The following CLTC variants were observed in gnomAD, a reference collection of about 807,000 sequenced individuals.
The protein encoded by CLTC is clathrin heavy chain 1.
In CLTC, 16 loss-of-function variants were observed where a neutral mutation model predicts 195.8. The ratio of observed to expected loss-of-function variants is 0.08; its 90% CI spans 0.06 to 0.12. The LOEUF (loss-of-function observed/expected upper bound fraction) is 0.12. Among genes scored for constraint, CLTC ranks in the 10% least tolerant of loss-of-function variants. The pLI, the probability that CLTC is intolerant of heterozygous loss-of-function variation, is 1.00. For missense variants in CLTC, 796 were observed against 2,027.0 expected (o/e 0.39, Z 11.66); for synonymous variants, 667 against 689.4 (o/e 0.97, Z 0.51).
At chr17:59,667,879 T>TA (rs1199282659) in intron 13 of CLTC, among the ~76,000 whole-genome samples, 37 of 152,222 alleles carry the variant, frequency 2.4e-4, no homozygotes, top group African/African-American at 8.2e-4. Context: ...CTCTCTGTAC[T>TA]AGTAGTACTC....
chr17:59,693,907 C>T lies in CLTC; in HGVS notation c.*55C>T. The T allele has an allele frequency of 6.6e-7, 1 of 1,511,572 alleles. No individual in the cohort carries two copies. 93.6% of individuals were successfully genotyped at this position (1,511,572 alleles called of 1,614,324 possible). ...TTTCGTACTGAAACATCGTCTTTAC[C>T]CACTTCTCAGTTTATAATGGGGGAA... On this transcript the variant is annotated 3_prime_UTR_variant, in exon 32 of 32. Transcript: ENST00000269122.
In CLTC at chr17:59,685,029, G is replaced by T. The variant is rs755220845; in HGVS notation, c.4435-27G>T. On this transcript the variant is annotated intron_variant, in intron 28 of 31. Transcript: ENST00000269122. The surrounding 1 kb of genome is among the most constrained non-coding windows in gnomAD (Gnocchi z 5.0). The stretch of plus-strand genomic sequence containing the variant: ...TAATGTTAAACAAAATACTGATCTG[G>T]CATTTGGATGGCTTTTTTTTTTTAA... The T allele has an allele frequency of 6.7e-7, 1 of 1,482,708 alleles. No individual in the cohort carries two copies. Among genetic ancestry groups the T allele is most frequent in the Non-Finnish European group, 9.0e-7 (1 of 1,104,992 alleles). 91.8% of individuals were successfully genotyped at this position (1,482,708 alleles called of 1,614,324 possible). A position where few individuals can be genotyped will look rare whatever the true frequency, so the allele number is the denominator to read the frequency against.
intron 14 of CLTC, among the ~76,000 whole-genome samples, chr17:59,669,530 A>G (rs923089043): frequency 2.0e-5 from 3 of 152,220 alleles, no homozygotes; most frequent in Non-Finnish European, 4.4e-5. Context: ...AGAGATTCTG[A>G]ACTCTAGAAC....
chr17:59,668,184 A>G (rs2032772601), intron 13 of CLTC, among the ~76,000 whole-genome samples: 1 of 152,230 alleles, frequency 6.6e-6, no homozygotes, highest in South Asian at 2.1e-4. Context: ...ATACTGCACT[A>G]AATTCTTCCC....
intron 18 of CLTC, among the ~76,000 whole-genome samples, chr17:59,680,172 A>G (rs192263692): frequency 2.0e-4 from 31 of 152,346 alleles, no homozygotes; most frequent in Non-Finnish European, 1.9e-4. Context: ...GATTGCTATT[A>G]TTAACACTTA....
rs1437166821 is a variant in CLTC, at chr17:59,666,676, T to A, written c.1947+32T>A. 1 of 1,591,558 alleles carries A rather than the reference T, an allele frequency of 6.3e-7. No individual in the cohort carries two copies. Among genetic ancestry groups the A allele is most frequent in the Non-Finnish European group, 8.6e-7 (1 of 1,164,932 alleles). On this transcript the variant is annotated intron_variant, in intron 12 of 31. Transcript: ENST00000269122. The surrounding 1 kb of genome is among the most constrained non-coding windows in gnomAD (Gnocchi z 4.9). ...CAGTTTCTTACCTAATAGATGGTGTTAGTTGTGATTAATAGGTACACTGAA... is the reference window on the plus strand; with the variant it reads ...CAGTTTCTTACCTAATAGATGGTGTAAGTTGTGATTAATAGGTACACTGAA...
At position 59,682,309 on chromosome 17, in the gene CLTC, C is replaced by T. The variant is rs779006423; in HGVS notation, c.3481C>T (p.Arg1161Cys). 3.7e-6 allele frequency: 6 copies of T among 1,613,794 alleles called. No homozygotes were observed. The highest frequency in any genetic ancestry group is 1.1e-5 in the South Asian group (1 of 91,072). The change falls in exon 22 of 32, where the codon CGT becomes TGT. Residue 1161 changes from arginine (R) to cysteine (C), a missense_variant. Physicochemically the swap from Arg to Cys is radical, Grantham distance 180. Transcript: ENST00000269122. The surrounding 1 kb of genome is among the most constrained non-coding windows in gnomAD (Gnocchi z 6.8). ...ACTGGTGAAGTACTTGCAGATGGCC[C>T]GTAAGAAGGCTCGAGAGTCCTATGT... ...EELVKYLQMA[R>C]KKARESYVET...
At position 59,664,499 on chromosome 17, in the gene CLTC, C is replaced by T. The variant is rs2032679564; in HGVS notation, c.1522-288C>T. ...CCAGGGGGCAGAGGTTTCAGTGAAT[C>T]GAGATTGCACCTCTGCACTCCAGCT... On this transcript the variant is annotated intron_variant, in intron 9 of 31. Transcript: ENST00000269122. 1.4e-5 allele frequency among the ~76,000 whole-genome samples: 2 copies of T among 145,308 alleles called. 1 individual carries two copies. Among genetic ancestry groups the T allele is most frequent in the South Asian group, 4.3e-4 (2 of 4,668 alleles).
Position 59,644,283 on chromosome 17 carries a change from A to G in CLTC, c.50A>G (p.Asn17Ser). ...IRFQEHLQLQ[N>S]LGINPANIGF... The stretch of plus-strand genomic sequence containing the variant: ...TCTTATTATTTTTTCTAGCTCCAGA[A>G]CCTGGGTATCAACCCAGCAAACATT... The change falls in exon 2 of 32, where the codon AAC (asparagine) becomes AGC (serine). Residue 17 changes from asparagine (N) to serine (S), a missense_variant. Around this residue, in one of 9 missense-constraint regions of CLTC, gnomAD observed 24 missense variants for 29.8 expected, o/e 0.81. Transcript: ENST00000269122. The G allele has an allele frequency of 6.2e-7, 1 of 1,613,426 alleles. No individual in the cohort carries two copies. Among genetic ancestry groups the G allele is most frequent in the Non-Finnish European group, 8.5e-7 (1 of 1,179,670 alleles).
intron 1 of CLTC, 104 bp downstream of exon 1, chr17:59,620,277 G>A (rs2031325775): frequency 3.2e-6 from 4 of 1,234,704 alleles, no homozygotes; most frequent in South Asian, 1.2e-5. Context: ...AGGGGCGGGG[G>A]GGTTGTCGGT....
chr17:59,645,529 C>A (rs2143500708), intron 2 of CLTC, among the ~76,000 whole-genome samples: 1 of 152,234 alleles, frequency 6.6e-6, no homozygotes, highest in East Asian at 1.9e-4. Flanking sequence ...CTTAAAAAGG[C>A]ATTCGATTGC....
chr17:59,673,099 G>GT lies in CLTC; in HGVS notation c.2293-537dup, dbSNP rs34178326. 5.0e-3 allele frequency among the ~76,000 whole-genome samples: 749 copies of GT among 150,018 alleles called. 7 individuals are homozygous for GT. The highest frequency in any genetic ancestry group is 0.016 in the African/African-American group (638 of 40,786). On this transcript the variant is annotated intron_variant, in intron 14 of 31. Transcript: ENST00000269122. ...AAGATATCTTTTCTTTAAATGCTGG[G>GT]TTTTTTTTTTTGTAGGGGGTGGGTT... is the stretch of plus-strand genomic sequence containing the variant.
At chr17:59,657,954 T>C (rs2032513699) in intron 6 of CLTC, among the ~76,000 whole-genome samples, 1 of 151,946 alleles carries the variant, frequency 6.6e-6, no homozygotes, top group South Asian at 2.1e-4. Flanking sequence ...ATCCCAGTAC[T>C]TTGAGAGGCT....
At chr17:59,642,004 T>TG (rs759412956) in intron 1 of CLTC, among the ~76,000 whole-genome samples, 2,898 of 141,084 alleles carry the variant, frequency 0.021, 41 homozygotes, top group South Asian at 0.032. Flanking sequence ...TTGTTGTTTT[T>TG]TTTTTTTTTT....
At chr17:59,645,531 T>G (rs2032168059) in intron 2 of CLTC, among the ~76,000 whole-genome samples, 1 of 152,208 alleles carries the variant, frequency 6.6e-6, no homozygotes. Flanking sequence ...TAAAAAGGCA[T>G]TCGATTGCCT....
chr17:59,646,407 G>A (rs1454748268), intron 2 of CLTC, among the ~76,000 whole-genome samples: 1 of 152,124 alleles, frequency 6.6e-6, no homozygotes, highest in African/African-American at 2.4e-5. Flanking sequence ...AGAAATTTTT[G>A]CACATGTGTT....
At chr17:59,691,626 A>G (rs1298349740) in intron 31 of CLTC, among the ~76,000 whole-genome samples, 2 of 146,702 alleles carry the variant, frequency 1.4e-5, no homozygotes, top group Non-Finnish European at 3.0e-5. Context: ...TCCGCCTTAA[A>G]AAAAAAATAT....
chr17:59,634,842 C>G (rs2143467149), intron 1 of CLTC, among the ~76,000 whole-genome samples: 1 of 152,302 alleles, frequency 6.6e-6, no homozygotes, highest in Non-Finnish European at 1.5e-5. Context: ...AATACAGCAA[C>G]TGCAGTTTTT....
chr17:59,693,380 TAA>T (rs755036908), intron 31 of CLTC, among the ~76,000 whole-genome samples: 134 of 106,160 alleles, frequency 1.3e-3, no homozygotes, highest in South Asian at 2.4e-3. Context: ...TTTTTTTTTT[TAA>T]AAAGTCTTTT....
Sources: allele counts gnomAD v4.1 joint callset (sites outside exome capture counted in the v4.1 genomes callset), GRCh38; gene constraint gnomAD v4.1.1; regional missense constraint gnomAD v4.1.1; non-coding constraint Gnocchi (gnomAD v3.1); transcripts MANE v1.5; gene names NCBI Gene and HGNC (gene_info 2026-07-23, HGNC 2026-07-21).